NAV3: variants seen among roughly 807,000 people sequenced by gnomAD.
NAV3 encodes neuron navigator 3.
In NAV3, 87 loss-of-function variants were observed where a neutral mutation model predicts 244.7. The ratio of observed to expected loss-of-function variants is 0.36; its 90% confidence interval spans 0.30 to 0.42. The LOEUF (loss-of-function observed/expected upper bound fraction) is 0.42. NAV3 is among the 20% of genes least tolerant of loss of function. The pLI is 1.00. For synonymous variants in NAV3, 1,126 were observed against 1,042.2 expected (o/e 1.08, Z -1.55); for missense variants, 2,663 against 2,893.3 (o/e 0.92, Z 1.83).
intron 12 of NAV3, among the ~76,000 whole-genome samples, chr12:78,086,653 A>T (rs1423618137): frequency 1.3e-5 from 2 of 151,986 alleles, no homozygotes; most frequent in East Asian, 3.9e-4. Context: ...GGAATTAATC[A>T]TTGCTGAGGG....
At chr12:77,704,602 G>T (rs964484714) in intron 2 of NAV3, among the ~76,000 whole-genome samples, 6 of 152,028 alleles carry the variant, frequency 3.9e-5, no homozygotes, top group Non-Finnish European at 2.9e-5. Context: ...TGAGTCTTCA[G>T]ATTTTCCATA....
chr12:77,606,462 C>T (rs531427387), intron 2 of NAV3, among the ~76,000 whole-genome samples: 3 of 152,228 alleles, frequency 2.0e-5, no homozygotes, highest in South Asian at 4.1e-4. Flanking sequence ...TTAATTATCA[C>T]ACTATATTGA....
chr12:77,890,125 A>G (rs1883757119), intron 1 of NAV3, among the ~76,000 whole-genome samples: 1 of 152,172 alleles, frequency 6.6e-6, no homozygotes, highest in Admixed American at 6.5e-5. Flanking sequence ...TTATAAACAA[A>G]CTATAATTCA....
At chr12:78,038,530 A>G (rs1350873139) in intron 9 of NAV3, among the ~76,000 whole-genome samples, 1 of 152,182 alleles carries the variant, frequency 6.6e-6, no homozygotes, top group Non-Finnish European at 1.5e-5. Flanking sequence ...AGAGGCAAAT[A>G]TTGTTCAATT....
chr12:77,612,972 T>G lies in NAV3; in HGVS notation c.72+40706T>G, dbSNP rs561767180. On this transcript the variant is annotated intron_variant, in intron 2 of 8. Transcript: ENST00000550042. ...TCAGCACTTCCTCTTGCTGCCTCCATGTGAAGAAGGATGTATTTACTTCCC... is the reference window on the plus strand; with the variant it reads ...TCAGCACTTCCTCTTGCTGCCTCCAGGTGAAGAAGGATGTATTTACTTCCC... Among the ~76,000 whole-genome samples the G allele has an allele frequency of 7.9e-5, 12 of 152,196 alleles. 1 individual carries two copies. In the South Asian group the frequency reaches 2.3e-3, roughly 29 times the overall value.
intron 2 of NAV3, among the ~76,000 whole-genome samples, chr12:77,780,702 AT>A: frequency 2.0e-5 from 3 of 152,252 alleles, no homozygotes; most frequent in Admixed American, 2.0e-4. Flanking sequence ...TTACAAAAAG[AT>A]GGTTCCCAGG....
intron 2 of NAV3, among the ~76,000 whole-genome samples, chr12:77,768,659 G>A (rs934446954): frequency 6.6e-6 from 1 of 152,226 alleles, no homozygotes; most frequent in East Asian, 1.9e-4. Context: ...CTGAACCTGT[G>A]GGGGCAGGGG....
intron 2 of NAV3, among the ~76,000 whole-genome samples, chr12:77,686,915 A>G (rs1321639214): frequency 6.6e-6 from 1 of 152,120 alleles, no homozygotes; most frequent in African/African-American, 2.4e-5. Context: ...ATTTTTTAAA[A>G]AAACAAAACA....
chr12:77,858,885 G>T (rs1878787391), intron 1 of NAV3, among the ~76,000 whole-genome samples: 1 of 152,086 alleles, frequency 6.6e-6, no homozygotes, highest in Admixed American at 6.6e-5. Context: ...GCAGTGCTTA[G>T]CAGAGAAGTT....
chr12:78,096,250 A>C (rs2138121526), intron 12 of NAV3, among the ~76,000 whole-genome samples: 1 of 152,328 alleles, frequency 6.6e-6, no homozygotes, highest in South Asian at 2.1e-4. Context: ...ACAGTGAAGA[A>C]TATCATAACC....
At chr12:78,166,906 G>A (rs543667616) in intron 23 of NAV3, among the ~76,000 whole-genome samples, 105 of 151,668 alleles carry the variant, frequency 6.9e-4, no homozygotes, top group African/African-American at 1.4e-3. Flanking sequence ...ATTTTAATCC[G>A]TAGTACAAGC....
At chr12:77,924,426 G>A (rs950959336) in intron 1 of NAV3, among the ~76,000 whole-genome samples, 1 of 152,052 alleles carries the variant, frequency 6.6e-6, no homozygotes. Flanking sequence ...AATATTTTAT[G>A]CTATGGAAGG....
intron 31 of NAV3, 123 bp downstream of exon 31, chr12:78,185,821 TA>T (rs1305138100): frequency 9.5e-6 from 7 of 738,476 alleles, no homozygotes; most frequent in Non-Finnish European, 1.3e-5. Context: ...GGCATTAGCT[TA>T]ACATGTCATA....
chr12:77,970,661 A>G (rs531721593), intron 5 of NAV3, among the ~76,000 whole-genome samples: 1 of 152,262 alleles, frequency 6.6e-6, no homozygotes, highest in Non-Finnish European at 1.5e-5. Context: ...TGGTTATATC[A>G]AGTGAGATTG....
In NAV3 at chr12:78,056,305, C is replaced by G. The variant is rs139254732; in HGVS notation, c.2517-2691C>G. The stretch of plus-strand genomic sequence containing the variant: ...TTGCTCATCAGCTTATGCAGTGTGC[C>G]CTTGTTGGCTTACGTAGGAGGCAGC... On this transcript the variant is annotated intron_variant, in intron 11 of 39. Transcript: ENST00000397909. 1.6e-3 allele frequency: 240 copies of G among 152,170 alleles called. 1 individual carries two copies. Among genetic ancestry groups the G allele is most frequent in the African/African-American group, 5.6e-3 (233 of 41,496 alleles). The allele number at this position is 152,170 out of a possible 1,614,324, so 9.4% of individuals were successfully genotyped here.
At chr12:77,793,463 C>G (rs146763949) in intron 2 of NAV3, among the ~76,000 whole-genome samples, 1 of 152,212 alleles carries the variant, frequency 6.6e-6, no homozygotes, top group East Asian at 1.9e-4. Context: ...CTAATGCTTT[C>G]CCTCCACTTG....
At chr12:78,198,553 T>C in intron 35 of NAV3, 52 bp from the exon 36 acceptor site, 2 of 1,049,984 alleles carry the variant, frequency 1.9e-6, no homozygotes, top group Non-Finnish European at 2.9e-6. Flanking sequence ...TTTTAATGAA[T>C]TAATCACTTT....
chr12:77,858,540 C>G (rs1878737042), intron 1 of NAV3, among the ~76,000 whole-genome samples: 1 of 151,980 alleles, frequency 6.6e-6, no homozygotes, highest in Non-Finnish European at 1.5e-5. Context: ...GAAAACAGTT[C>G]TGTTGAAGAT....
intron 2 of NAV3, among the ~76,000 whole-genome samples, chr12:77,578,158 T>A (rs1008734642): frequency 6.6e-6 from 1 of 152,142 alleles, no homozygotes; most frequent in Non-Finnish European, 1.5e-5. Flanking sequence ...GTTGAAAAAA[T>A]CAACATATTT....
Sources: allele counts gnomAD v4.1 joint callset (sites outside exome capture counted in the v4.1 genomes callset), GRCh38; gene constraint gnomAD v4.1.1; transcripts MANE v1.5; gene names NCBI Gene and HGNC (gene_info 2026-07-23, HGNC 2026-07-21).